TTF1: variants seen among roughly 807,000 people sequenced by gnomAD.
TTF1 encodes the protein transcription termination factor 1.
A neutral mutation model predicts 80.2 loss-of-function variants in TTF1; 64 were observed. The observed-to-expected ratio is 0.80, with a 90% confidence interval of 0.65 to 0.98. The LOEUF is 0.98. Ranked by LOEUF, TTF1 falls within the 50% of genes least tolerant of loss-of-function variation. TTF1 has a pLI of 0.00. For synonymous variants in TTF1, 372 were observed against 382.7 expected, an observed-to-expected ratio of 0.97 and a Z score of 0.33; for missense variants, 1,023 against 1,086.2, an observed-to-expected ratio of 0.94 and a Z score of 0.82.
At chr9:132,385,146 G>A (rs1470946621) in intron 9 of TTF1, among the ~76,000 whole-genome samples, 1 of 152,126 alleles carries the variant, frequency 6.6e-6, no homozygotes, top group Non-Finnish European at 1.5e-5. Flanking sequence ...CTAAAGCACG[G>A]GGTCTCGGCA....
intron 10 of TTF1, among the ~76,000 whole-genome samples, chr9:132,377,533 T>A (rs570493754): frequency 2.1e-5 from 3 of 143,482 alleles, no homozygotes; most frequent in African/African-American, 7.9e-5. Context: ...GCATGTAGTG[T>A]GAGTGCATGT....
At chr9:132,377,947 GGTGTGAGTGCATGTGGT>G (rs1849259395) in intron 10 of TTF1, among the ~76,000 whole-genome samples, 2 of 124,660 alleles carry the variant, frequency 1.6e-5, no homozygotes. Context: ...GAATGCATGT[GGTGTGAGTGCATGTGGT>G]GTGTGTGAGT....
rs766081085 is a variant in TTF1 at position 132,402,056 on chromosome 9, T to A, written c.766A>T (p.Thr256Ser). 1.2e-6 allele frequency: 2 copies of A among 1,614,016 alleles called. No homozygotes were observed. The highest frequency in any genetic ancestry group is 1.7e-6 in the Non-Finnish European group (2 of 1,179,992). Residue 256 changes from threonine to serine, a missense_variant, in exon 2 of 11, where the codon ACT (threonine) becomes TCT (serine). Transcript: ENST00000334270. ...AGTDMQESQP[T>S]VGLDDETPQL... ...GGAGTTTCATCATCCAAGCCCACAG[T>A]AGGCTGGGATTCCTGCATATCAGTC...
At chr9:132,380,364 C>T (rs1169683523) in intron 9 of TTF1, among the ~76,000 whole-genome samples, 2 of 152,184 alleles carry the variant, frequency 1.3e-5, no homozygotes, top group Non-Finnish European at 2.9e-5. Flanking sequence ...CAGGCATGAG[C>T]CACTGCACCT....
At position 132,379,504 on chromosome 9, in the gene TTF1, G is replaced by A. The variant is rs116772480; in HGVS notation, c.2379-360C>T. Among the ~76,000 whole-genome samples, 1,237 of 152,276 alleles carry A rather than the reference G, an allele frequency of 8.1e-3. 15 individuals carry two copies. The highest frequency in any genetic ancestry group is 0.028 in the African/African-American group (1,165 of 41,546). On this transcript the variant is annotated intron_variant, in intron 9 of 10. Transcript: ENST00000334270. ...CAGCCCTGCCCTAAGCACCTTAACT[G>A]CAGCAATAAATAATCCTCACGACAA...
chr9:132,378,610 GTGGTGTGAGTGCATGTGGT>G (rs1211052762), intron 10 of TTF1, among the ~76,000 whole-genome samples: 3 of 138,130 alleles, frequency 2.2e-5, no homozygotes, highest in Admixed American at 7.2e-5. Flanking sequence ...GTGAGTGCAT[GTGGTGTGAGTGCATGTGGT>G]TGGTGTGAGT....
At chr9:132,380,366 ACTGCAC>A (rs1849348370) in intron 9 of TTF1, among the ~76,000 whole-genome samples, 1 of 152,236 alleles carries the variant, frequency 6.6e-6, no homozygotes, top group Non-Finnish European at 1.5e-5. Flanking sequence ...GGCATGAGCC[ACTGCAC>A]CTGGCCCATT....
intron 9 of TTF1, among the ~76,000 whole-genome samples, chr9:132,379,591 A>G (rs1483958753): frequency 1.3e-5 from 2 of 152,214 alleles, no homozygotes; most frequent in Admixed American, 1.3e-4. Context: ...TGAGGCACAG[A>G]GAAGTTGCCC....
intron 4 of TTF1, among the ~76,000 whole-genome samples, chr9:132,396,977 C>T (rs1040242438): frequency 8.6e-5 from 13 of 152,000 alleles, no homozygotes; most frequent in African/African-American, 3.1e-4. Flanking sequence ...TCAGGTGATC[C>T]GCCCTCCTCG....
chr9:132,392,231 C>A, intron 5 of TTF1, 25 bp from the exon 6 acceptor site: 2 of 1,613,380 alleles, frequency 1.2e-6, no homozygotes, highest in East Asian at 2.2e-5. Context: ...AAATGTTTTA[C>A]AAGTTTAAAC....
chr9:132,381,390 A>G (rs1442600254), intron 9 of TTF1, among the ~76,000 whole-genome samples: 1 of 152,136 alleles, frequency 6.6e-6, no homozygotes, highest in African/African-American at 2.4e-5. Context: ...GGGTTTCACC[A>G]TGTTGGGCAG....
intron 10 of TTF1, among the ~76,000 whole-genome samples, chr9:132,377,947 G>GGT (rs1849259333): frequency 8.0e-6 from 1 of 124,676 alleles, no homozygotes. Context: ...GAATGCATGT[G>GGT]GTGTGAGTGC....
intron 10 of TTF1, among the ~76,000 whole-genome samples, chr9:132,378,429 G>A (rs1849290984): frequency 1.5e-5 from 1 of 67,798 alleles, no homozygotes; most frequent in African/African-American, 7.8e-5. Flanking sequence ...GAGTGCATGT[G>A]GTGTGTGAAT....
intron 6 of TTF1, among the ~76,000 whole-genome samples, chr9:132,391,386 G>C (rs564105439): frequency 7.6e-4 from 81 of 107,102 alleles, no homozygotes; most frequent in African/African-American, 2.4e-3. Flanking sequence ...ACTGGCAGCT[G>C]TTTGGCTGTG....
intron 9 of TTF1, among the ~76,000 whole-genome samples, chr9:132,381,055 G>GC (rs1269446439): frequency 2.6e-4 from 39 of 152,192 alleles, no homozygotes; most frequent in Admixed American, 9.8e-4. Context: ...GGGACAACAG[G>GC]CATGTGTCAC....
intron 1 of TTF1, among the ~76,000 whole-genome samples, chr9:132,406,237 C>A (rs1164394097): frequency 1.3e-5 from 2 of 152,172 alleles, no homozygotes; most frequent in African/African-American, 4.8e-5. Flanking sequence ...GCTCTGCTCC[C>A]GGGTGGGCGC....
In TTF1 at chr9:132,396,305, C is replaced by CA. The variant is rs1201206789; in HGVS notation, c.1856+127_1856+128insT. The stretch of plus-strand genomic sequence containing the variant: ...AGACACACATTTGACAACAAATACA[C>CA]CACCTGGTTTCACACACACAAATCT... On this transcript the variant is annotated intron_variant, in intron 5 of 10. Transcript: ENST00000334270. 5.5e-6 allele frequency: 5 copies of CA among 911,878 alleles called. No homozygotes were observed. The African/African-American group carries it at 8.3e-5, about 15-fold the overall frequency. 56.5% of individuals were successfully genotyped at this position (911,878 alleles called of 1,614,324 possible). A position where few individuals can be genotyped will look rare whatever the true frequency, so the allele number is the denominator to read the frequency against.
chr9:132,392,099 A>C lies in TTF1; in HGVS notation c.1964T>G (p.Leu655Arg). The C allele has an allele frequency of 1.9e-6, 3 of 1,614,076 alleles. No homozygotes were observed. The highest frequency in any genetic ancestry group is 2.5e-6 in the Non-Finnish European group (3 of 1,180,014). ...ACGACTGCTGATCTGTGAGAACTTG[A>C]GGGCCACGGAGAGGCTACTTCGGGC... Reference protein sequence around the residue: ...MVARSSLSVALKFSQISSQRN... With the variant: ...MVARSSLSVARKFSQISSQRN... The change falls in exon 6 of 11, where the codon CTC becomes CGC. Residue 655 changes from leucine to arginine, a missense_variant. By Grantham distance (102) the Leu-to-Arg change is moderately radical. Transcript: ENST00000334270.
chr9:132,377,688 G>GT (rs1849241542), intron 10 of TTF1, among the ~76,000 whole-genome samples: 1 of 43,424 alleles, frequency 2.3e-5, no homozygotes, highest in African/African-American at 8.3e-5. Flanking sequence ...GAATGCATGT[G>GT]GTGTGAGTGC....
Sources: gnomAD v4.1 joint callset for allele counts (sites outside exome capture counted in the v4.1 genomes callset) on GRCh38, gnomAD v4.1.1 for gene constraint, MANE v1.5 for transcripts, NCBI Gene and HGNC (gene_info 2026-07-23, HGNC 2026-07-21) for gene names.